Variants in ADAM32 observed in about 807,000 individuals in gnomAD.
ADAM32 encodes disintegrin and metalloproteinase domain-containing protein 32.
In ADAM32, 89 loss-of-function variants were observed where a neutral mutation model predicts 114.9. That is an observed-to-expected ratio of 0.77 (90% confidence interval 0.65 to 0.92). ADAM32 has a LOEUF of 0.92. ADAM32 is among the 40% of genes least tolerant of loss of function. The probability of loss-of-function intolerance (pLI) is 0.00; values close to 1 mark genes in which losing one functional copy is unlikely to be tolerated. For synonymous variants in ADAM32, 285 were observed against 307.5 expected (o/e 0.93, Z 0.77); for missense variants, 870 against 932.8 (o/e 0.93, Z 0.88).
intron 17 of ADAM32, among the ~76,000 whole-genome samples, chr8:39,248,237 G>A (rs13266468): frequency 6.6e-6 from 1 of 152,114 alleles, no homozygotes; most frequent in Non-Finnish European, 1.5e-5. Flanking sequence ...ACCTTGCTGG[G>A]ATTTTGACAG....
intron 20 of ADAM32, among the ~76,000 whole-genome samples, chr8:39,271,775 C>G (rs1025073345): frequency 1.3e-5 from 2 of 151,962 alleles, no homozygotes; most frequent in Non-Finnish European, 2.9e-5. Flanking sequence ...AGGTCTTGGA[C>G]TTTTACAAAA....
chr8:39,262,658 T>C (rs544666731), intron 19 of ADAM32, among the ~76,000 whole-genome samples: 18 of 150,532 alleles, frequency 1.2e-4, no homozygotes, highest in Admixed American at 9.9e-4. Flanking sequence ...TCTTTCTCTC[T>C]TCCCCTCTTT....
chr8:39,135,277 C>T (rs1802728412), intron 2 of ADAM32, among the ~76,000 whole-genome samples: 1 of 152,220 alleles, frequency 6.6e-6, no homozygotes, highest in African/African-American at 2.4e-5. Context: ...GTAGGATGCC[C>T]TGCTGTTTCA....
intron 10 of ADAM32, among the ~76,000 whole-genome samples, chr8:39,180,161 C>T (rs920937373): frequency 2.6e-5 from 4 of 152,204 alleles, no homozygotes; most frequent in African/African-American, 7.2e-5. Flanking sequence ...GCTTGCGGGC[C>T]AGCTGGAGTT....
At chr8:39,166,194 C>T (rs1464636400) in intron 9 of ADAM32, 2 of 152,136 alleles carry the variant, frequency 1.3e-5, no homozygotes, top group African/African-American at 4.8e-5. Context: ...ATCCCTCGCC[C>T]CACCTCCCAC....
chr8:39,278,329 T>TA (rs1813218870), intron 22 of ADAM32, among the ~76,000 whole-genome samples: 1 of 144,060 alleles, frequency 6.9e-6, no homozygotes, highest in Non-Finnish European at 1.5e-5. Context: ...AAAACAGTGA[T>TA]AGAAATTCTC....
chr8:39,279,003 TC>T (rs750853140), intron 22 of ADAM32, among the ~76,000 whole-genome samples: 20 of 152,190 alleles, frequency 1.3e-4, no homozygotes, highest in Non-Finnish European at 2.6e-4. Context: ...CATTATTTAT[TC>T]CCCCCTCAAT....
chr8:39,173,271 GCAAA>G (rs1191046084), intron 10 of ADAM32, among the ~76,000 whole-genome samples: 2 of 151,950 alleles, frequency 1.3e-5, no homozygotes, highest in African/African-American at 4.8e-5. Context: ...AAACAAACAA[GCAAA>G]CAAACAAACC....
chr8:39,275,230 G>A (rs1180004227), intron 21 of ADAM32, among the ~76,000 whole-genome samples: 2 of 152,180 alleles, frequency 1.3e-5, no homozygotes, highest in African/African-American at 4.8e-5. Flanking sequence ...TTGATAAGCT[G>A]ATGTGGCTTA....
chr8:39,134,221 C>G (rs1802642938), intron 2 of ADAM32, among the ~76,000 whole-genome samples: 1 of 151,990 alleles, frequency 6.6e-6, no homozygotes, highest in Non-Finnish European at 1.5e-5. Context: ...GCTGGGCTTT[C>G]AACATGGTAC....
At chr8:39,127,617 C>G (rs1175600088) in intron 2 of ADAM32, among the ~76,000 whole-genome samples, 2 of 151,244 alleles carry the variant, frequency 1.3e-5, no homozygotes, top group African/African-American at 2.4e-5. Flanking sequence ...TATTTTTTTC[C>G]CCAAAAACCA....
chr8:39,172,657 C>T (rs865814534), intron 10 of ADAM32, among the ~76,000 whole-genome samples: 36 of 152,086 alleles, frequency 2.4e-4, no homozygotes, highest in Non-Finnish European at 3.5e-4. Context: ...AAAGTCTTTC[C>T]TTTTTTCGAC....
chr8:39,158,636 G>T, intron 6 of ADAM32: 1 of 204,030 alleles, frequency 4.9e-6, no homozygotes, highest in Non-Finnish European at 1.0e-5. Context: ...GATGCCTACT[G>T]CTGTGTTTCC....
intron 14 of ADAM32, among the ~76,000 whole-genome samples, chr8:39,231,771 T>C (rs1365839715): frequency 6.6e-6 from 1 of 152,152 alleles, no homozygotes; most frequent in Non-Finnish European, 1.5e-5. Flanking sequence ...AGCCCTCTTC[T>C]AGTTGACACT....
At chr8:39,212,375 C>T (rs1439733209) in intron 12 of ADAM32, among the ~76,000 whole-genome samples, 5 of 151,904 alleles carry the variant, frequency 3.3e-5, no homozygotes, top group African/African-American at 9.7e-5. Flanking sequence ...TAAAATGCAC[C>T]CATTTTAAGT....
intron 2 of ADAM32, among the ~76,000 whole-genome samples, chr8:39,127,293 G>A (rs1229943582): frequency 6.6e-6 from 1 of 152,050 alleles, no homozygotes; most frequent in Non-Finnish European, 1.5e-5. Context: ...ATTCAGCTTT[G>A]ATTCCATCTG....
chr8:39,211,361 T>C, intron 12 of ADAM32, 37 bp downstream of exon 12: 1 of 1,410,128 alleles, frequency 7.1e-7, no homozygotes, highest in Non-Finnish European at 9.3e-7. Context: ...TTAATAAATT[T>C]ATTGTTTTAA....
rs567970952 is a variant in ADAM32 at position 39,241,795 on chromosome 8, C to A, written c.1819-4288C>A. On this transcript the variant is annotated intron_variant, in intron 16 of 24. Transcript: ENST00000379907. The stretch of plus-strand genomic sequence containing the variant: ...CAAGGCCTCTGACATGCCCTGGAGA[C>A]AATTTCCCCATTGTCTTGGTGATTA... Among the ~76,000 whole-genome samples, 4 of 152,350 alleles carry A rather than the reference C, an allele frequency of 2.6e-5. No individual in the cohort carries two copies. The South Asian group carries it at 8.3e-4, about 32-fold the overall frequency.
At position 39,131,717 on chromosome 8, in the gene ADAM32, G is replaced by A. The variant is rs144428496; in HGVS notation, c.139-4940G>A. Reference sequence around the variant, plus strand: ...AGTGATGATTTTACTGTTGTGAAACGTCCTTCTTTCTTTCTGATAATATTT... The same window carrying A: ...AGTGATGATTTTACTGTTGTGAAACATCCTTCTTTCTTTCTGATAATATTT... On this transcript the variant is annotated intron_variant, in intron 2 of 24. Coordinates refer to ENST00000379907, the MANE Select transcript of ADAM32 (RefSeq NM_145004.7). 8.5e-5 allele frequency among the ~76,000 whole-genome samples: 13 copies of A among 152,096 alleles called. No individual in the cohort carries two copies. The East Asian group carries it at 2.1e-3, about 25-fold the overall frequency.
Sources: gnomAD v4.1 joint callset for allele counts (sites outside exome capture counted in the v4.1 genomes callset) on GRCh38, gnomAD v4.1.1 for gene constraint, MANE v1.5 for transcripts, NCBI Gene and HGNC (gene_info 2026-07-23, HGNC 2026-07-21) for gene names.